FOCAD: variants seen among roughly 807,000 people sequenced by gnomAD.
The protein encoded by FOCAD is focadhesin.
FOCAD carries 198 observed loss-of-function variants against 225.6 expected under a neutral mutation model. That is an observed-to-expected ratio of 0.88 (90% CI 0.78 to 0.99). The LOEUF (loss-of-function observed/expected upper bound fraction) is 0.99, where lower values mean the gene tolerates loss of function less well. FOCAD is among the 50% of genes least tolerant of loss of function. FOCAD has a pLI of 0.00. For synonymous variants in FOCAD, 897 were observed against 755.0 expected, an observed-to-expected ratio of 1.19 and a Z score of -3.08; for missense variants, 2,713 against 2,123.6, an observed-to-expected ratio of 1.28 and a Z score of -5.46.
chr9:20,977,758 A>G (rs1428926908), intron 36 of FOCAD, among the ~76,000 whole-genome samples: 1 of 152,250 alleles, frequency 6.6e-6, no homozygotes, highest in East Asian at 1.9e-4. Context: ...TCTCTATATA[A>G]GATATAATGT....
intron 15 of FOCAD, among the ~76,000 whole-genome samples, chr9:20,824,712 A>T (rs1216915333): frequency 6.6e-6 from 1 of 152,088 alleles, no homozygotes; most frequent in Non-Finnish European, 1.5e-5. Context: ...TCAAATGAGG[A>T]TAAAATAAGA....
chr9:20,963,336 G>T (rs1181304894), intron 35 of FOCAD, among the ~76,000 whole-genome samples: 2 of 152,168 alleles, frequency 1.3e-5, no homozygotes, highest in Non-Finnish European at 2.9e-5. Context: ...GGTGAAAGTT[G>T]TCCTGTCAAA....
chr9:20,656,929 C>G (rs1372820019), upstream of FOCAD, among the ~76,000 whole-genome samples: 1 of 151,518 alleles, frequency 6.6e-6, no homozygotes, highest in Admixed American at 6.6e-5. Context: ...TTGTTCCTTT[C>G]CATGTTTAGC....
At chr9:20,795,280 TA>T (rs1438584216) in intron 11 of FOCAD, among the ~76,000 whole-genome samples, 1 of 152,194 alleles carries the variant, frequency 6.6e-6, no homozygotes, top group Non-Finnish European at 1.5e-5. Context: ...AATAAATGTT[TA>T]AAAATGACGA....
intron 2 of FOCAD, among the ~76,000 whole-genome samples, chr9:20,668,513 C>T (rs538743789): frequency 6.6e-6 from 1 of 152,250 alleles, no homozygotes; most frequent in East Asian, 1.9e-4. Context: ...GTTCTGATAT[C>T]AGGCAACATC....
intron 15 of FOCAD, among the ~76,000 whole-genome samples, chr9:20,859,960 G>C (rs1322580103): frequency 6.6e-6 from 1 of 151,852 alleles, no homozygotes; most frequent in African/African-American, 2.4e-5. Context: ...GGGAGGAGGT[G>C]ATAAAAATGT....
At chr9:20,707,993 C>T (rs950246804) in intron 1 of FOCAD, among the ~76,000 whole-genome samples, 1 of 152,018 alleles carries the variant, frequency 6.6e-6, no homozygotes, top group Non-Finnish European at 1.5e-5. Context: ...AGCTAAGCAG[C>T]AGAAGAATGA....
intron 11 of FOCAD, among the ~76,000 whole-genome samples, chr9:20,801,341 G>A (rs773620831): frequency 1.2e-4 from 19 of 152,122 alleles, no homozygotes; most frequent in Non-Finnish European, 2.5e-4. Context: ...TCTGATATCA[G>A]TTTTGGCCAT....
At chr9:20,727,538 AT>A (rs926605078) in intron 4 of FOCAD, among the ~76,000 whole-genome samples, 15 of 152,054 alleles carry the variant, frequency 9.9e-5, no homozygotes, top group African/African-American at 3.4e-4. Flanking sequence ...TTAAAGAAGC[AT>A]TTTTTTGGTC....
chr9:20,789,929 A>G (rs1820349837), intron 11 of FOCAD, among the ~76,000 whole-genome samples: 1 of 152,202 alleles, frequency 6.6e-6, no homozygotes, highest in South Asian at 2.1e-4. Flanking sequence ...ACCTATTCCA[A>G]GATACATATC....
chr9:20,933,658 A>G (rs1025476279), intron 28 of FOCAD, among the ~76,000 whole-genome samples: 2 of 152,078 alleles, frequency 1.3e-5, no homozygotes, highest in East Asian at 3.9e-4. Flanking sequence ...GCAATTGTGA[A>G]TTGTGCTGCT....
At chr9:20,833,750 G>A (rs547597035) in intron 15 of FOCAD, among the ~76,000 whole-genome samples, 3 of 152,152 alleles carry the variant, frequency 2.0e-5, no homozygotes, top group South Asian at 4.2e-4. Flanking sequence ...CTTCAAAAAA[G>A]TTATATGATT....
At chr9:20,657,158 G>C (rs1821514240), upstream of FOCAD, among the ~76,000 whole-genome samples, 1 of 152,034 alleles carries the variant, frequency 6.6e-6, no homozygotes. Context: ...CTGTTAGTCT[G>C]ATGGGCCTCC....
intron 11 of FOCAD, among the ~76,000 whole-genome samples, chr9:20,800,280 A>AT (rs1468830793): frequency 2.0e-5 from 3 of 151,642 alleles, no homozygotes; most frequent in South Asian, 2.1e-4. Context: ...TTCCCTTAAC[A>AT]TTTTTTCCTT....
intron 35 of FOCAD, among the ~76,000 whole-genome samples, chr9:20,973,095 C>T (rs987702887): frequency 5.3e-5 from 8 of 151,628 alleles, no homozygotes; most frequent in Non-Finnish European, 1.0e-4. Flanking sequence ...GCTGACTTTG[C>T]CTTGTTCTGA....
At chr9:20,698,948 A>G (rs761012943) in intron 1 of FOCAD, among the ~76,000 whole-genome samples, 5 of 152,238 alleles carry the variant, frequency 3.3e-5, no homozygotes, top group Non-Finnish European at 5.9e-5. Context: ...ACTTTGGGAT[A>G]TAGCCAAGAA....
At chr9:20,892,126 A>T (rs1201914130) in intron 21 of FOCAD, among the ~76,000 whole-genome samples, 1 of 152,194 alleles carries the variant, frequency 6.6e-6, no homozygotes, top group Non-Finnish European at 1.5e-5. Flanking sequence ...GCTTAGAAAA[A>T]AAAAGATTCC....
At chr9:20,820,267 C>A in intron 12 of FOCAD, 57 bp from the exon 13 acceptor site, 2 of 1,326,312 alleles carry the variant, frequency 1.5e-6, no homozygotes, top group Non-Finnish European at 2.1e-6. Flanking sequence ...CTTTTGGTAA[C>A]CTCGAGGTTG....
chr9:20,907,019 T>C, intron 21 of FOCAD, 131 bp from the exon 22 acceptor site: 1 of 660,358 alleles, frequency 1.5e-6, no homozygotes, highest in African/African-American at 1.8e-5. Flanking sequence ...GTGGTTCTGA[T>C]CCTAGACTGA....
Sources: gnomAD v4.1 joint callset for allele counts (sites outside exome capture counted in the v4.1 genomes callset) on GRCh38, gnomAD v4.1.1 for gene constraint, MANE v1.5 for transcripts, NCBI Gene and HGNC (gene_info 2026-07-23, HGNC 2026-07-21) for gene names.